DLC1: variants seen among roughly 807,000 people sequenced by gnomAD.
DLC1 encodes rho GTPase-activating protein 7.
DLC1 carries 54 observed loss-of-function variants against 140.3 expected under a neutral mutation model. That is an observed-to-expected ratio of 0.38 (90% CI 0.31 to 0.48). The LOEUF is 0.48. Ranked by LOEUF, DLC1 falls within the 20% of genes least tolerant of loss-of-function variation. The probability of loss-of-function intolerance (pLI) is 0.96; values close to 1 mark genes in which losing one functional copy is unlikely to be tolerated. For synonymous variants in DLC1, 986 were observed against 728.1 expected (o/e 1.35, Z -5.70); for missense variants, 2,536 against 1,907.0 (o/e 1.33, Z -6.14).
At chr8:13,374,786 A>G (rs1835892860) in intron 4 of DLC1, among the ~76,000 whole-genome samples, 1 of 152,194 alleles carries the variant, frequency 6.6e-6, no homozygotes, top group Admixed American at 6.5e-5. Context: ...CGTCTTGGGC[A>G]GTATGGCCAT....
chr8:13,441,711 G>C (rs1050809974), intron 2 of DLC1, among the ~76,000 whole-genome samples: 1 of 152,048 alleles, frequency 6.6e-6, no homozygotes, highest in Non-Finnish European at 1.5e-5. Flanking sequence ...AATAAAAGAG[G>C]ATACAAACAA....
intron 5 of DLC1, among the ~76,000 whole-genome samples, chr8:13,285,579 C>T (rs1831511020): frequency 6.6e-6 from 1 of 152,052 alleles, no homozygotes; most frequent in African/African-American, 2.4e-5. Context: ...CGTCATAAGT[C>T]ATTAGGGAAA....
At chr8:13,562,248 A>G (rs1804269465) in intron 1 of DLC1, among the ~76,000 whole-genome samples, 2 of 152,208 alleles carry the variant, frequency 1.3e-5, no homozygotes, top group Non-Finnish European at 2.9e-5. Context: ...TGAGAGAAAA[A>G]TCAAACTTTT....
At chr8:13,492,597 TG>T (rs1801309037) in intron 2 of DLC1, among the ~76,000 whole-genome samples, 1 of 151,818 alleles carries the variant, frequency 6.6e-6, no homozygotes, top group African/African-American at 2.4e-5. Context: ...ACAGAAGCCC[TG>T]CTTGGAATCT....
chr8:13,559,881 T>C (rs1804179428), intron 1 of DLC1, among the ~76,000 whole-genome samples: 1 of 151,978 alleles, frequency 6.6e-6, no homozygotes, highest in Non-Finnish European at 1.5e-5. Flanking sequence ...AGGTCAGTGT[T>C]CAATAGCACT....
chr8:13,257,792 C>T (rs180900001), intron 5 of DLC1, among the ~76,000 whole-genome samples: 1 of 151,712 alleles, frequency 6.6e-6, no homozygotes, highest in Admixed American at 6.5e-5. Context: ...ATGTTCTAAT[C>T]CTAACCAGCT....
At chr8:13,319,819 C>CCTTTTTT (rs1833017279) in intron 4 of DLC1, among the ~76,000 whole-genome samples, 2 of 76,150 alleles carry the variant, frequency 2.6e-5, no homozygotes, top group South Asian at 1.1e-3. Flanking sequence ...TTCTCTCTCT[C>CCTTTTTT]TCTTTTTTTT....
chr8:13,118,429 ATT>A (rs1467305820), intron 5 of DLC1, among the ~76,000 whole-genome samples: 1 of 152,208 alleles, frequency 6.6e-6, no homozygotes, highest in Non-Finnish European at 1.5e-5. Flanking sequence ...AAAAATGACA[ATT>A]TGTCTTTCCT....
At chr8:13,340,945 G>T (rs1452881849) in intron 4 of DLC1, 1 of 152,196 alleles carries the variant, frequency 6.6e-6, no homozygotes, top group African/African-American at 2.4e-5. Flanking sequence ...TTTTACCAGC[G>T]TCTAACTCGG....
chr8:13,540,949 A>T (rs2117330960), intron 1 of DLC1, among the ~76,000 whole-genome samples: 1 of 152,320 alleles, frequency 6.6e-6, no homozygotes, highest in East Asian at 1.9e-4. Flanking sequence ...GCCATACCAC[A>T]ATTCTCTCTG....
intron 2 of DLC1, among the ~76,000 whole-genome samples, chr8:13,407,240 A>C (rs1446003392): frequency 3.3e-5 from 5 of 152,210 alleles, no homozygotes; most frequent in Non-Finnish European, 7.3e-5. Context: ...CTTTGATTGC[A>C]GTGGTATCTG....
At chr8:13,554,861 A>G (rs1803985959) in intron 1 of DLC1, among the ~76,000 whole-genome samples, 1 of 152,196 alleles carries the variant, frequency 6.6e-6, no homozygotes, top group African/African-American at 2.4e-5. Flanking sequence ...TATTGATTTT[A>G]TTCAAAGAAA....
At chr8:13,509,152 G>T (rs1443958144) in intron 1 of DLC1, among the ~76,000 whole-genome samples, 1 of 152,198 alleles carries the variant, frequency 6.6e-6, no homozygotes, top group Non-Finnish European at 1.5e-5. Context: ...ATCATGGTGA[G>T]ATGCGGTTTT....
intron 5 of DLC1, among the ~76,000 whole-genome samples, chr8:13,128,417 C>A (rs186261028): frequency 2.6e-5 from 4 of 152,290 alleles, no homozygotes; most frequent in Admixed American, 2.6e-4. Flanking sequence ...GTCATTCCTG[C>A]ACTCTAACAT....
At chr8:13,089,288 GTT>G (rs5889416) in intron 15 of DLC1, among the ~76,000 whole-genome samples, 1 of 150,022 alleles carries the variant, frequency 6.7e-6, no homozygotes, top group African/African-American at 2.4e-5. Flanking sequence ...GATGACATTT[GTT>G]TTTTTTTTTC....
intron 5 of DLC1, among the ~76,000 whole-genome samples, chr8:13,206,744 G>A (rs1827680673): frequency 6.6e-6 from 1 of 151,918 alleles, no homozygotes; most frequent in African/African-American, 2.4e-5. Flanking sequence ...TAAAAAGTGA[G>A]TTCTTTACAA....
intron 5 of DLC1, among the ~76,000 whole-genome samples, chr8:13,201,921 GTTTTTTTTTT>G (rs35475930): frequency 2.0e-5 from 2 of 101,804 alleles, no homozygotes; most frequent in Non-Finnish European, 4.0e-5. Context: ...TACCCAAAAG[GTTTTTTTTTT>G]TTTTTTTTTT....
chr8:13,435,122 C>G (rs1360728072), intron 2 of DLC1, among the ~76,000 whole-genome samples: 1 of 152,136 alleles, frequency 6.6e-6, no homozygotes, highest in Non-Finnish European at 1.5e-5. Flanking sequence ...GAATTCATGA[C>G]TCATGGAAGG....
At chr8:13,529,749 A>G (rs886519109) in intron 1 of DLC1, among the ~76,000 whole-genome samples, 2 of 152,332 alleles carry the variant, frequency 1.3e-5, no homozygotes, top group African/African-American at 4.8e-5. Context: ...ACTATGTTCT[A>G]GAAATCAATG....
Sources: gnomAD v4.1 joint callset for allele counts (sites outside exome capture counted in the v4.1 genomes callset) on GRCh38, gnomAD v4.1.1 for gene constraint, MANE v1.5 for transcripts, NCBI Gene and HGNC (gene_info 2026-07-23, HGNC 2026-07-21) for gene names.